The following PTPRR variants were observed in gnomAD, a reference collection of about 807,000 sequenced individuals.
The protein encoded by PTPRR is receptor-type tyrosine-protein phosphatase R.
In PTPRR, 38 loss-of-function variants were observed where a neutral mutation model predicts 77.2. The ratio of observed to expected loss-of-function variants is 0.49; its 90% confidence interval spans 0.38 to 0.65. PTPRR has a LOEUF of 0.65. PTPRR is among the 30% of genes least tolerant of loss of function. The pLI, the probability that PTPRR is intolerant of heterozygous loss-of-function variation, is 0.00. For synonymous variants in PTPRR, 299 were observed against 283.1 expected (o/e 1.06, Z -0.57); for missense variants, 744 against 799.2 (o/e 0.93, Z 0.83).
chr12:70,661,346 A>G (rs1186119193), intron 11 of PTPRR: 2 of 416,286 alleles, frequency 4.8e-6, no homozygotes, highest in Admixed American at 3.8e-5. Context: ...GTTATAATAT[A>G]GATCATATAA....
At position 70,821,149 on chromosome 12, in the gene PTPRR, T is replaced by A. The variant is rs574957099; in HGVS notation, c.358-56371A>T. Among the ~76,000 whole-genome samples the A allele has an allele frequency of 5.1e-4, 77 of 151,530 alleles. 1 individual carries two copies. Among genetic ancestry groups the A allele is most frequent in the Admixed American group, 2.4e-3 (37 of 15,134 alleles). On this transcript the variant is annotated intron_variant, in intron 2 of 13. Coordinates refer to ENST00000283228, the MANE Select transcript of PTPRR (RefSeq NM_002849.4). ...TCCTCCAAGAAAGGAGATGTGCTTC[T>A]TTCAAGAGATACATTTGTCAATATT...
chr12:70,716,183 T>A (rs78314521), intron 6 of PTPRR, among the ~76,000 whole-genome samples: 3,477 of 152,206 alleles, frequency 0.023, 136 homozygotes, highest in African/African-American at 0.079. Context: ...TCTAAGTGTT[T>A]ATAACAGGAT....
chr12:70,732,709 C>A (rs1486966107), intron 6 of PTPRR, among the ~76,000 whole-genome samples: 1 of 150,764 alleles, frequency 6.6e-6, no homozygotes, highest in Non-Finnish European at 1.5e-5. Flanking sequence ...TACAGGCGCA[C>A]GTCACCACGC....
intron 2 of PTPRR, among the ~76,000 whole-genome samples, chr12:70,767,938 C>T (rs1890869370): frequency 6.6e-6 from 1 of 152,018 alleles, no homozygotes; most frequent in Non-Finnish European, 1.5e-5. Context: ...GAAATGAAGG[C>T]AGAAATAAAG....
At chr12:70,739,056 A>G (rs1592720816) in intron 6 of PTPRR, among the ~76,000 whole-genome samples, 1 of 152,330 alleles carries the variant, frequency 6.6e-6, no homozygotes, top group Non-Finnish European at 1.5e-5. Context: ...TATAAATTAC[A>G]TGTAACTGTA....
intron 1 of PTPRR, among the ~76,000 whole-genome samples, chr12:70,904,810 G>T (rs954958686): frequency 6.6e-6 from 1 of 151,760 alleles, no homozygotes; most frequent in African/African-American, 2.4e-5. Context: ...GTGTTGGGAA[G>T]GGACAGAAAG....
intron 2 of PTPRR, among the ~76,000 whole-genome samples, chr12:70,890,295 C>T (rs529593057): frequency 1.9e-4 from 29 of 152,130 alleles, no homozygotes; most frequent in African/African-American, 6.5e-4. Flanking sequence ...GTGTTGTACT[C>T]TCCTTGTAAC....
chr12:70,657,109 C>T (rs762873233), intron 12 of PTPRR, among the ~76,000 whole-genome samples: 11 of 152,012 alleles, frequency 7.2e-5, no homozygotes, highest in Non-Finnish European at 1.3e-4. Flanking sequence ...AGGCAAGATA[C>T]AGGCAGTAGA....
At chr12:70,917,948 A>T (rs931820113) in intron 1 of PTPRR, among the ~76,000 whole-genome samples, 1 of 152,244 alleles carries the variant, frequency 6.6e-6, no homozygotes, top group Non-Finnish European at 1.5e-5. Context: ...ACAGTTAAAG[A>T]GGCCTGAATG....
chr12:70,668,300 C>T (rs1036389097), intron 10 of PTPRR, among the ~76,000 whole-genome samples: 51 of 149,296 alleles, frequency 3.4e-4, no homozygotes, highest in African/African-American at 1.2e-3. Context: ...GGAGGAGCAG[C>T]AGCAGCTTGG....
intron 10 of PTPRR, among the ~76,000 whole-genome samples, chr12:70,664,949 G>C (rs1328396313): frequency 1.3e-5 from 2 of 152,166 alleles, no homozygotes; most frequent in Admixed American, 1.3e-4. Flanking sequence ...TTGTTTCTAA[G>C]AGTACAAGTT....
At position 70,810,085 on chromosome 12, in the gene PTPRR, C is replaced by T. The variant is rs191707266; in HGVS notation, c.358-45307G>A. Among the ~76,000 whole-genome samples the T allele has an allele frequency of 1.2e-4, 18 of 152,046 alleles. No individual in the cohort carries two copies. The East Asian group carries it at 1.9e-3, about 16-fold the overall frequency. On this transcript the variant is annotated intron_variant, in intron 2 of 13. Coordinates refer to ENST00000283228, the MANE Select transcript of PTPRR (RefSeq NM_002849.4). ...AAATACAGTGGGACTTTTCTAGTGA[C>T]GTCATCATGTTTCACTATTTATCAC...
At chr12:70,644,411 G>C (rs1157724908) in intron 13 of PTPRR, among the ~76,000 whole-genome samples, 1 of 152,096 alleles carries the variant, frequency 6.6e-6, no homozygotes, top group Non-Finnish European at 1.5e-5. Context: ...ATTACCAGGG[G>C]GGACCAGAGT....
intron 2 of PTPRR, among the ~76,000 whole-genome samples, chr12:70,791,211 C>G (rs1891416552): frequency 6.6e-6 from 1 of 152,176 alleles, no homozygotes; most frequent in Non-Finnish European, 1.5e-5. Context: ...TTTGATCTCT[C>G]TAATAGCACC....
intron 1 of PTPRR, among the ~76,000 whole-genome samples, chr12:70,919,872 G>C (rs1321426954): frequency 6.6e-6 from 1 of 151,890 alleles, no homozygotes; most frequent in Non-Finnish European, 1.5e-5. Context: ...CTTTTGGGCG[G>C]AGATGTGGTC....
chr12:70,871,456 C>G (rs1194048291), intron 2 of PTPRR, among the ~76,000 whole-genome samples: 1 of 152,130 alleles, frequency 6.6e-6, no homozygotes, highest in Non-Finnish European at 1.5e-5. Context: ...CTAGATCATT[C>G]TTTCTCTCCA....
At chr12:70,913,148 T>C (rs1893724304) in intron 1 of PTPRR, among the ~76,000 whole-genome samples, 1 of 152,158 alleles carries the variant, frequency 6.6e-6, no homozygotes, top group Non-Finnish European at 1.5e-5. Context: ...ATAAAGCGAT[T>C]TTTAAATAAT....
chr12:70,780,014 A>G (rs1209853443), intron 2 of PTPRR, among the ~76,000 whole-genome samples: 1 of 151,068 alleles, frequency 6.6e-6, no homozygotes, highest in Non-Finnish European at 1.5e-5. Context: ...TTTTTTTAAG[A>G]CAGAGTCTCG....
intron 13 of PTPRR, among the ~76,000 whole-genome samples, chr12:70,646,403 T>C (rs926660530): frequency 6.6e-6 from 1 of 152,222 alleles, no homozygotes; most frequent in East Asian, 1.9e-4. Context: ...TTGTAGGTCA[T>C]AAAAATCAGC....
Sources: allele counts gnomAD v4.1 joint callset (sites outside exome capture counted in the v4.1 genomes callset), GRCh38; gene constraint gnomAD v4.1.1; transcripts MANE v1.5; gene names NCBI Gene and HGNC (gene_info 2026-07-23, HGNC 2026-07-21).